The following PRKCE variants were observed in gnomAD, a reference collection of about 807,000 sequenced individuals.
The protein encoded by PRKCE is protein kinase C epsilon.
PRKCE carries 16 observed loss-of-function variants against 85.4 expected under a neutral mutation model. The observed-to-expected ratio is 0.19, with a 90% CI of 0.13 to 0.28. The LOEUF is 0.28. Ranked by LOEUF, PRKCE falls within the 10% of genes least tolerant of loss-of-function variation. The probability of loss-of-function intolerance (pLI) is 1.00; values close to 1 mark genes in which losing one functional copy is unlikely to be tolerated. For synonymous variants in PRKCE, 388 were observed against 371.5 expected, an observed-to-expected ratio of 1.04 and a Z score of -0.51; for missense variants, 573 against 975.2, an observed-to-expected ratio of 0.59 and a Z score of 5.49.
chr2:45,815,243 A>T (rs1263922679), intron 1 of PRKCE, among the ~76,000 whole-genome samples: 1 of 151,720 alleles, frequency 6.6e-6, no homozygotes, highest in African/African-American at 2.4e-5. Flanking sequence ...CAAGAAAATA[A>T]TTTTTTTTTA....
At chr2:45,703,983 G>T (rs1176403716) in intron 1 of PRKCE, among the ~76,000 whole-genome samples, 1 of 152,186 alleles carries the variant, frequency 6.6e-6, no homozygotes, top group African/African-American at 2.4e-5. Flanking sequence ...CCTGGGTTAG[G>T]AGGCATTATT....
chr2:45,843,127 C>T, intron 2 of PRKCE, 64 bp downstream of exon 2: 1 of 1,390,878 alleles, frequency 7.2e-7, no homozygotes. Context: ...TGGGTCTCTT[C>T]TTTCCCCCCC....
At chr2:45,893,365 T>C (rs1317236927) in intron 2 of PRKCE, among the ~76,000 whole-genome samples, 1 of 150,340 alleles carries the variant, frequency 6.7e-6, no homozygotes, top group Non-Finnish European at 1.5e-5. Flanking sequence ...TTTTTTTTTT[T>C]TTTTGAGATG....
At chr2:45,909,971 A>G (rs1472134948) in intron 2 of PRKCE, among the ~76,000 whole-genome samples, 1 of 151,858 alleles carries the variant, frequency 6.6e-6, no homozygotes, top group Non-Finnish European at 1.5e-5. Flanking sequence ...CCGGAATCAC[A>G]CTTCTGCTTA....
At chr2:45,979,294 A>G (rs1281652469) in intron 4 of PRKCE, among the ~76,000 whole-genome samples, 1 of 152,142 alleles carries the variant, frequency 6.6e-6, no homozygotes, top group Non-Finnish European at 1.5e-5. Flanking sequence ...ATCTTTCTGA[A>G]TGAGACATTC....
rs1302917697 is a variant in PRKCE at position 46,185,103 on chromosome 2, C to T, written c.*222C>T. On this transcript the variant is annotated 3_prime_UTR_variant, in exon 15 of 15. Coordinates refer to ENST00000306156, the MANE Select transcript of PRKCE (RefSeq NM_005400.3). This position sits in a 1 kb window ranked among gnomAD's most constrained non-coding sequence, Gnocchi z 4.7. ...GTTCTTGTCTCACCAGTAATGCAGA[C>T]TCATTGGGTCAGCAATTAGCTGTAT... 1.2e-5 allele frequency: 7 copies of T among 588,748 alleles called. No homozygotes were observed. The highest frequency in any genetic ancestry group is 2.9e-5 in the East Asian group (1 of 33,922). The allele number at this position is 588,748 out of a possible 1,614,324, so 36.5% of individuals were successfully genotyped here.
Position 45,825,409 on chromosome 2 carries a change from T to TA in PRKCE, c.349-17590dup, listed in dbSNP as rs1364585031. 2.6e-5 allele frequency among the ~76,000 whole-genome samples: 4 copies of TA among 152,220 alleles called. No homozygotes were observed. In the East Asian group the frequency reaches 7.7e-4, roughly 29 times the overall value. On this transcript the variant is annotated intron_variant, in intron 1 of 14. Transcript: ENST00000306156. Reference sequence around the variant, plus strand: ...TGAGGGGTGGGACACCAAACTGTGTTAGAGCAACAGCAGCAGGCAGATAGG... The same window carrying TA: ...TGAGGGGTGGGACACCAAACTGTGTTAAGAGCAACAGCAGCAGGCAGATAGG...
At chr2:45,717,547 A>G (rs1265766944) in intron 1 of PRKCE, among the ~76,000 whole-genome samples, 1 of 152,222 alleles carries the variant, frequency 6.6e-6, no homozygotes, top group Non-Finnish European at 1.5e-5. Context: ...CGTTCCCTGG[A>G]GCAAAATACG....
At chr2:45,776,995 G>T (rs929232184) in intron 1 of PRKCE, among the ~76,000 whole-genome samples, 1 of 152,120 alleles carries the variant, frequency 6.6e-6, no homozygotes, top group Non-Finnish European at 1.5e-5. Flanking sequence ...TGAGAGGAGT[G>T]CAGGGTCTCA....
chr2:45,949,402 G>GTTTTTTTTTTTTTTTTTTTTGTTT (rs35033431), intron 2 of PRKCE, among the ~76,000 whole-genome samples: 3 of 118,746 alleles, frequency 2.5e-5, no homozygotes, highest in Non-Finnish European at 5.2e-5. Context: ...TATTTTGCTT[G>GTTTTTTTTTTTTTTTTTTTTGTTT]TTTTTTTTTT....
chr2:45,723,087 T>C (rs1409340647), intron 1 of PRKCE, among the ~76,000 whole-genome samples: 2 of 152,180 alleles, frequency 1.3e-5, no homozygotes, highest in Non-Finnish European at 2.9e-5. Context: ...GGTGACAGAA[T>C]GAGACTGTCT....
At position 45,651,874 on chromosome 2, in the gene PRKCE, C is replaced by A. The variant is rs1459309476; in HGVS notation, c.-227C>A. ...ACTTGCTCCAAACACGGACATCCCC[C>A]AGCTCTCCCCCCTCCCTGTTTTCCG... is the stretch of plus-strand genomic sequence containing the variant. On this transcript the variant is annotated 5_prime_UTR_variant, in exon 1 of 15. Transcript: ENST00000306156. 3 of 470,250 alleles carry A rather than the reference C, an allele frequency of 6.4e-6. No individual in the cohort carries two copies. The highest frequency in any genetic ancestry group is 3.9e-5 in the Admixed American group (1 of 25,818). The allele number at this position is 470,250 out of a possible 1,614,324, so 29.1% of individuals were successfully genotyped here. A position where few individuals can be genotyped will look rare whatever the true frequency, so the allele number is the denominator to read the frequency against.
intron 1 of PRKCE, among the ~76,000 whole-genome samples, chr2:45,672,058 C>G (rs1676192512): frequency 8.0e-6 from 1 of 124,410 alleles, no homozygotes. Context: ...GTGAGACCCC[C>G]TGTCTCAAAA....
chr2:45,822,363 G>A (rs763626064), intron 1 of PRKCE, among the ~76,000 whole-genome samples: 8 of 152,218 alleles, frequency 5.3e-5, no homozygotes, highest in Non-Finnish European at 1.0e-4. Context: ...TGGGAGAAAT[G>A]AGAAAGCAGC....
intron 2 of PRKCE, among the ~76,000 whole-genome samples, chr2:45,884,950 GATCCATATATATATATAT>G (rs1695137082): frequency 2.2e-5 from 2 of 90,792 alleles, no homozygotes; most frequent in African/African-American, 9.5e-5. Flanking sequence ...TGTTATATGT[GATCCATATATATATATAT>G]ATATATATAT....
chr2:46,175,891 A>G (rs1412181084), intron 14 of PRKCE, among the ~76,000 whole-genome samples: 1 of 151,964 alleles, frequency 6.6e-6, no homozygotes, highest in African/African-American at 2.4e-5. Context: ...GCCTTTTGAA[A>G]TTGTTAAAAG....
At chr2:45,802,067 T>C (rs1687908095) in intron 1 of PRKCE, among the ~76,000 whole-genome samples, 1 of 129,736 alleles carries the variant, frequency 7.7e-6, no homozygotes, top group Non-Finnish European at 1.6e-5. Flanking sequence ...CTGGGCAACA[T>C]AACAAGACCC....
intron 2 of PRKCE, among the ~76,000 whole-genome samples, chr2:45,850,931 T>A (rs1201134881): frequency 1.3e-5 from 2 of 152,210 alleles, no homozygotes; most frequent in Non-Finnish European, 2.9e-5. Context: ...ATGAACACAG[T>A]GCCTGCTGTC....
intron 2 of PRKCE, among the ~76,000 whole-genome samples, chr2:45,892,663 T>A (rs1425662439): frequency 6.6e-6 from 1 of 152,110 alleles, no homozygotes; most frequent in Non-Finnish European, 1.5e-5. Flanking sequence ...GCCCTGGCGG[T>A]GGCCCAGAAG....
Sources: gnomAD v4.1 joint callset for allele counts (sites outside exome capture counted in the v4.1 genomes callset) on GRCh38, gnomAD v4.1.1 for gene constraint, Gnocchi (gnomAD v3.1) non-coding constraint, MANE v1.5 for transcripts, NCBI Gene and HGNC (gene_info 2026-07-23, HGNC 2026-07-21) for gene names.